GREB1: variants seen among roughly 807,000 people sequenced by gnomAD.
GREB1 encodes protein GREB1.
GREB1 carries 106 observed loss-of-function variants against 200.7 expected under a neutral mutation model. The observed-to-expected ratio is 0.53, with a 90% CI of 0.45 to 0.62. GREB1 has a LOEUF of 0.62. Among genes scored for constraint, GREB1 ranks in the 20% least tolerant of loss-of-function variants. GREB1 has a pLI of 0.00. For missense variants in GREB1, 2,243 were observed against 2,556.8 expected, an observed-to-expected ratio of 0.88 and a Z score of 2.65; for synonymous variants, 1,132 against 1,092.4, an observed-to-expected ratio of 1.04 and a Z score of -0.72.
chr2:11,613,637 G>A (rs1683130048), intron 19 of GREB1, among the ~76,000 whole-genome samples: 1 of 152,180 alleles, frequency 6.6e-6, no homozygotes. Flanking sequence ...GACCTTGCTT[G>A]TTGCTATTTC....
chr2:11,527,158 T>C (rs1013128131), intron 1 of GREB1, among the ~76,000 whole-genome samples: 4 of 152,226 alleles, frequency 2.6e-5, no homozygotes, highest in East Asian at 1.9e-4. Flanking sequence ...TTTTTTGTCC[T>C]GAATAGTTTT....
chr2:11,554,543 G>A (rs1451281453), intron 1 of GREB1, among the ~76,000 whole-genome samples: 3 of 152,192 alleles, frequency 2.0e-5, no homozygotes, highest in Admixed American at 6.5e-5. Context: ...GGGAGATCTC[G>A]CTTGACCGAT....
chr2:11,524,661 C>T (rs1673812002), intron 1 of GREB1, among the ~76,000 whole-genome samples: 1 of 152,208 alleles, frequency 6.6e-6, no homozygotes, highest in Non-Finnish European at 1.5e-5. Flanking sequence ...TCTTTCGTTA[C>T]TTTTCATACT....
intron 17 of GREB1, among the ~76,000 whole-genome samples, chr2:11,605,211 A>AGTAGACC (rs1436874224): frequency 1.6e-5 from 2 of 128,912 alleles, no homozygotes; most frequent in Non-Finnish European, 3.2e-5. Flanking sequence ...ACTGACAGCC[A>AGTAGACC]GTAGACCGTA....
intron 9 of GREB1, chr2:11,587,965 C>A (rs946092665): frequency 3.0e-6 from 3 of 986,200 alleles, no homozygotes; most frequent in Admixed American, 5.8e-5. Context: ...GTGGCTCACG[C>A]CTGTAATCCC....
intron 17 of GREB1, among the ~76,000 whole-genome samples, chr2:11,604,021 C>T (rs1461707048): frequency 6.6e-6 from 1 of 152,186 alleles, no homozygotes; most frequent in Non-Finnish European, 1.5e-5. Context: ...ACCACGTAGC[C>T]ACCAAGCCAC....
At chr2:11,599,761 C>G (rs929195923) in intron 15 of GREB1, among the ~76,000 whole-genome samples, 1 of 152,268 alleles carries the variant, frequency 6.6e-6, no homozygotes, top group South Asian at 2.1e-4. Context: ...ACCTCGTGAT[C>G]CGCCCGCCTC....
intron 1 of GREB1, among the ~76,000 whole-genome samples, chr2:11,513,938 G>T (rs1344445088): frequency 6.6e-6 from 1 of 152,204 alleles, no homozygotes; most frequent in Non-Finnish European, 1.5e-5. Flanking sequence ...CCGGGTTGTA[G>T]AGCTGCCTAA....
intron 27 of GREB1, 84 bp downstream of exon 27, chr2:11,632,197 A>G (rs1230138770): frequency 3.1e-6 from 3 of 953,418 alleles, no homozygotes; most frequent in African/African-American, 3.3e-5. Context: ...AAAGTTAAAC[A>G]TGTGACATCA....
At chr2:11,506,704 C>A (rs1241212910) in intron 1 of GREB1, among the ~76,000 whole-genome samples, 1 of 152,114 alleles carries the variant, frequency 6.6e-6, no homozygotes, top group South Asian at 2.1e-4. Context: ...GGGATGAGAT[C>A]ATGGAAGCTT....
In GREB1 at chr2:11,592,995, C is replaced by T. The variant is rs185849255; in HGVS notation, c.1565C>T (p.Ala522Val). ...CNDSVHVIEC[A>V]YSLAEGLSEM... ...GACAGCGTGCACGTCATCGAGTGTGCTTACTCCCTGGCCGAGGGCCTCTCC... is the reference window on the plus strand; with the variant it reads ...GACAGCGTGCACGTCATCGAGTGTGTTTACTCCCTGGCCGAGGGCCTCTCC... The change falls in exon 11 of 33, where the codon GCT becomes GTT. Residue 522 changes from alanine to valine, a missense_variant. Coordinates refer to ENST00000381486, the MANE Select transcript of GREB1 (RefSeq NM_014668.4). 2.2e-5 allele frequency: 35 copies of T among 1,610,460 alleles called. No individual in the cohort carries two copies. In the South Asian group the frequency reaches 3.4e-4, roughly 16 times the overall value.
intron 17 of GREB1, among the ~76,000 whole-genome samples, chr2:11,609,740 T>C (rs537536874): frequency 6.6e-6 from 1 of 152,266 alleles, no homozygotes; most frequent in Admixed American, 6.5e-5. Flanking sequence ...GGAGCAGGGA[T>C]GTCATCGCAA....
At chr2:11,612,345 G>A (rs1683011054) in intron 18 of GREB1, 150 bp from the exon 19 acceptor site, 1 of 1,397,684 alleles carries the variant, frequency 7.2e-7, no homozygotes, top group Non-Finnish European at 9.4e-7. Context: ...TGGATGGTGT[G>A]CTTATTTGCA....
In GREB1 at chr2:11,611,729, G is replaced by A. The variant is rs187718554; in HGVS notation, c.3006+702G>A. ...CCTCTCCCAGATGGTGGGGGGCAAT[G>A]GCCATCCCCACAGAACTCAGCCCCC... On this transcript the variant is annotated intron_variant, in intron 18 of 32. Coordinates refer to ENST00000381486, the MANE Select transcript of GREB1 (RefSeq NM_014668.4). Among the ~76,000 whole-genome samples the A allele has an allele frequency of 2.5e-3, 384 of 152,312 alleles. 1 individual carries two copies. The highest frequency in any genetic ancestry group is 9.0e-3 in the African/African-American group (374 of 41,560).
chr2:11,588,070 A>C lies in GREB1; in HGVS notation c.1160-676A>C, dbSNP rs184225746. The stretch of plus-strand genomic sequence containing the variant: ...GTGAAACCTTGTCTCTACTAAAAAT[A>C]CAAAAATTGGCCGGGTGTGGTGGTG... On this transcript the variant is annotated intron_variant, in intron 9 of 32. Coordinates refer to ENST00000381486, the MANE Select transcript of GREB1 (RefSeq NM_014668.4). 120 of 575,976 alleles carry C rather than the reference A, an allele frequency of 2.1e-4. No individual in the cohort carries two copies. The African/African-American group carries it at 2.2e-3, about 11-fold the overall frequency. 35.7% of individuals were successfully genotyped at this position (575,976 alleles called of 1,614,324 possible).
At chr2:11,615,641 A>G (rs944764748) in intron 20 of GREB1, among the ~76,000 whole-genome samples, 6 of 152,192 alleles carry the variant, frequency 3.9e-5, no homozygotes, top group Non-Finnish European at 8.8e-5. Context: ...CGTTCCACTC[A>G]CTGGTGGAAT....
intron 18 of GREB1, 64 bp from the exon 19 acceptor site, chr2:11,612,431 C>T: frequency 1.3e-6 from 2 of 1,515,968 alleles, no homozygotes; most frequent in Non-Finnish European, 1.8e-6. Flanking sequence ...ATCAGGATTC[C>T]TCTGAGCTGG....
Position 11,577,359 on chromosome 2 carries a change from C to G in GREB1, c.637+824C>G, listed in dbSNP as rs556309920. Among the ~76,000 whole-genome samples, 7 of 152,318 alleles carry G rather than the reference C, an allele frequency of 4.6e-5. No homozygotes were observed. In the East Asian group the frequency reaches 1.2e-3, roughly 25 times the overall value. On this transcript the variant is annotated intron_variant, in intron 5 of 32. Transcript: ENST00000381486. Reference sequence around the variant, plus strand: ...ATGTCACTGGTGCCAAGGCTGAGAACCTGACTTAAGACAGCTTGGCTTGAA... The same window carrying G: ...ATGTCACTGGTGCCAAGGCTGAGAAGCTGACTTAAGACAGCTTGGCTTGAA...
rs754835345 is a variant in GREB1, at chr2:11,631,889, A to C, written c.4612-20A>C. The stretch of plus-strand genomic sequence containing the variant: ...GCCACATTTACAAACACTCTACCTC[A>C]TGATACCTGTACTTTGCAGAGCCAT... On this transcript the variant is annotated intron_variant, in intron 26 of 32. Coordinates refer to ENST00000381486, the MANE Select transcript of GREB1 (RefSeq NM_014668.4). The C allele has an allele frequency of 1.9e-6, 3 of 1,587,718 alleles. No individual in the cohort carries two copies. The Admixed American group carries it at 5.0e-5, about 26-fold the overall frequency.
Sources: allele counts gnomAD v4.1 joint callset (sites outside exome capture counted in the v4.1 genomes callset), GRCh38; gene constraint gnomAD v4.1.1; transcripts MANE v1.5; gene names NCBI Gene and HGNC (gene_info 2026-07-23, HGNC 2026-07-21).